The following DLGAP1 variants were observed in gnomAD, a reference collection of about 807,000 sequenced individuals.
The protein encoded by DLGAP1 is DLG associated protein 1, also known as disks large-associated protein 1.
A neutral mutation model predicts 90.8 loss-of-function variants in DLGAP1; 11 were observed. The ratio of observed to expected loss-of-function variants is 0.12; its 90% CI spans 0.08 to 0.20. The LOEUF is 0.20. Ranked by LOEUF, DLGAP1 falls within the 10% of genes least tolerant of loss-of-function variation. The pLI is 1.00. For missense variants in DLGAP1, 1,050 were observed against 1,333.8 expected (o/e 0.79, Z 3.31); for synonymous variants, 558 against 540.7 (o/e 1.03, Z -0.44).
At chr18:3,786,396 T>C (rs934789284) in intron 5 of DLGAP1, among the ~76,000 whole-genome samples, 1 of 152,030 alleles carries the variant, frequency 6.6e-6, no homozygotes, top group Non-Finnish European at 1.5e-5. Flanking sequence ...TTACAGAAAA[T>C]AGAAATAAAC....
chr18:3,977,273 T>C (rs1354460501), intron 3 of DLGAP1, among the ~76,000 whole-genome samples: 1 of 152,104 alleles, frequency 6.6e-6, no homozygotes, highest in Non-Finnish European at 1.5e-5. Context: ...GGTTTTCCCA[T>C]GTTGCCCAGG....
In DLGAP1 at chr18:3,517,431, A is replaced by G. The variant is rs905207743; in HGVS notation, c.2480-8770T>C. Among the ~76,000 whole-genome samples the G allele has an allele frequency of 1.3e-5, 2 of 152,218 alleles. No individual in the cohort carries two copies. Among genetic ancestry groups the G allele is most frequent in the Admixed American group, 1.3e-4 (2 of 15,282 alleles). Reference sequence around the variant, plus strand: ...GAATTCACCTTGCATTATATTACAGAGACAGTTTCTTTCTTTAAACTCCAT... The same window carrying G: ...GAATTCACCTTGCATTATATTACAGGGACAGTTTCTTTCTTTAAACTCCAT... On this transcript the variant is annotated intron_variant, in intron 10 of 12. Transcript: ENST00000315677. The surrounding 1 kb of genome is among the most constrained non-coding windows in gnomAD (Gnocchi z 4.1).
At chr18:3,887,830 C>T (rs756687444) in intron 3 of DLGAP1, among the ~76,000 whole-genome samples, 1 of 151,816 alleles carries the variant, frequency 6.6e-6, no homozygotes, top group Non-Finnish European at 1.5e-5. Context: ...AGAAAACGGC[C>T]GGGGGCAGTG....
rs561570395 is a variant in DLGAP1, at chr18:4,400,317, T to C, written c.-267+54689A>G. Among the ~76,000 whole-genome samples the C allele has an allele frequency of 3.3e-5, 5 of 152,372 alleles. No individual in the cohort carries two copies. In the South Asian group the frequency reaches 8.3e-4, roughly 25 times the overall value. ...GGGGACAAGGTGACCTGAATAATTC[T>C]GTGAAAACATTCAAGTTTTGACCTA... On this transcript the variant is annotated intron_variant, in intron 1 of 12. Transcript: ENST00000315677.
chr18:3,552,997 T>C (rs1425117853), intron 9 of DLGAP1, among the ~76,000 whole-genome samples: 2 of 152,204 alleles, frequency 1.3e-5, no homozygotes, highest in Non-Finnish European at 2.9e-5. Flanking sequence ...CTCTTCCTCC[T>C]TGGGAGTTAA....
rs2075692371 is a variant in DLGAP1 at position 4,087,038 on chromosome 18, T to TATATAC, written c.-159+64141_-159+64142insGTATAT. The stretch of plus-strand genomic sequence containing the variant: ...GTCTACCTTGTCTGAGATATATATA[T>TATATAC]ATACACAAACACATATATATATACA... On this transcript the variant is annotated intron_variant, in intron 2 of 12. Transcript: ENST00000315677. 1.7e-5 allele frequency among the ~76,000 whole-genome samples: 2 copies of TATATAC among 114,620 alleles called. 1 individual carries two copies. The highest frequency in any genetic ancestry group is 3.8e-5 in the Non-Finnish European group (2 of 52,914). The allele number at this position is 114,620 out of a possible 152,430, so 75.2% of individuals were successfully genotyped here. A position where few individuals can be genotyped will look rare whatever the true frequency, so the allele number is the denominator to read the frequency against.
At chr18:4,158,386 G>T (rs1162779074) in intron 1 of DLGAP1, among the ~76,000 whole-genome samples, 3 of 152,108 alleles carry the variant, frequency 2.0e-5, no homozygotes, top group Admixed American at 2.0e-4. Context: ...ACCTTTAATG[G>T]CCCTTTGTTC....
intron 3 of DLGAP1, among the ~76,000 whole-genome samples, chr18:3,888,056 C>T (rs1014416428): frequency 6.0e-5 from 8 of 134,142 alleles, no homozygotes; most frequent in African/African-American, 2.3e-4. Context: ...TGCAGTGAGC[C>T]GAGATCGCGC....
intron 1 of DLGAP1, among the ~76,000 whole-genome samples, chr18:4,286,725 C>T (rs1349273045): frequency 6.6e-6 from 1 of 152,118 alleles, no homozygotes; most frequent in African/African-American, 2.4e-5. Context: ...AGGCAGAAAC[C>T]TCTGCCTTAT....
At chr18:3,502,691 G>C in intron 11 of DLGAP1, 46 bp from the exon 12 acceptor site, 3 of 1,577,940 alleles carry the variant, frequency 1.9e-6, no homozygotes, top group Non-Finnish European at 2.6e-6. Context: ...AGCAATTCTT[G>C]ACAAGCACAG....
chr18:4,366,371 C>A (rs1454730305), intron 1 of DLGAP1, among the ~76,000 whole-genome samples: 1 of 151,966 alleles, frequency 6.6e-6, no homozygotes, highest in Non-Finnish European at 1.5e-5. Flanking sequence ...AATTTAGATT[C>A]TTTCAATTTA....
chr18:3,998,783 A>C (rs1024614617), intron 3 of DLGAP1, among the ~76,000 whole-genome samples: 1 of 152,178 alleles, frequency 6.6e-6, no homozygotes, highest in African/African-American at 2.4e-5. Context: ...GTCTCGAATA[A>C]ATAGAAGACT....
intron 3 of DLGAP1, among the ~76,000 whole-genome samples, chr18:3,902,630 G>GC (rs1173727168): frequency 6.6e-6 from 1 of 151,854 alleles, no homozygotes; most frequent in African/African-American, 2.4e-5. Context: ...TTTCTGCTCG[G>GC]CCCCCACCGT....
At chr18:3,622,914 T>TG (rs2058150400) in intron 7 of DLGAP1, among the ~76,000 whole-genome samples, 1 of 152,118 alleles carries the variant, frequency 6.6e-6, no homozygotes, top group African/African-American at 2.4e-5. Flanking sequence ...AAGTGATTCT[T>TG]GTGCCTCAGC....
chr18:4,258,034 G>T (rs1483424231), intron 1 of DLGAP1, among the ~76,000 whole-genome samples: 2 of 149,428 alleles, frequency 1.3e-5, no homozygotes, highest in Non-Finnish European at 1.5e-5. Context: ...TATAACCTAT[G>T]TTGAATTCTG....
At chr18:4,218,703 T>A (rs2078011166) in intron 1 of DLGAP1, among the ~76,000 whole-genome samples, 1 of 151,954 alleles carries the variant, frequency 6.6e-6, no homozygotes. Flanking sequence ...CACATATAAG[T>A]AAAACTCAGT....
intron 1 of DLGAP1, among the ~76,000 whole-genome samples, chr18:4,241,064 C>T (rs1312393649): frequency 6.6e-6 from 1 of 152,130 alleles, no homozygotes; most frequent in Non-Finnish European, 1.5e-5. Context: ...TTAACTTGAG[C>T]AATTCATTTT....
At chr18:4,259,405 C>G (rs555576408) in intron 1 of DLGAP1, among the ~76,000 whole-genome samples, 1 of 152,318 alleles carries the variant, frequency 6.6e-6, no homozygotes, top group African/African-American at 2.4e-5. Context: ...AACTCATACA[C>G]AGATTGGATA....
intron 2 of DLGAP1, among the ~76,000 whole-genome samples, chr18:4,133,215 G>T (rs1221935386): frequency 1.3e-5 from 2 of 152,142 alleles, no homozygotes; most frequent in Admixed American, 1.3e-4. Context: ...GAGAAATCCA[G>T]TAAGAACATG....
Sources: allele counts gnomAD v4.1 joint callset (sites outside exome capture counted in the v4.1 genomes callset), GRCh38; gene constraint gnomAD v4.1.1; non-coding constraint Gnocchi (gnomAD v3.1); transcripts MANE v1.5; gene names NCBI Gene and HGNC (gene_info 2026-07-23, HGNC 2026-07-21).